STOM: variants seen among roughly 807,000 people sequenced by gnomAD.
STOM encodes the protein erythrocyte band 7 integral membrane protein.
A neutral mutation model predicts 30.6 loss-of-function variants in STOM; 25 were observed. The ratio of observed to expected loss-of-function variants is 0.82; its 90% CI spans 0.60 to 1.14. STOM has a LOEUF of 1.14. Among genes scored for constraint, STOM ranks in the 50% most tolerant of loss-of-function variants. The probability of loss-of-function intolerance (pLI) is 0.00; values close to 1 mark genes in which losing one functional copy is unlikely to be tolerated. For synonymous variants in STOM, 118 were observed against 130.8 expected, an observed-to-expected ratio of 0.90 and a Z score of 0.67; for missense variants, 292 against 365.2, an observed-to-expected ratio of 0.80 and a Z score of 1.63.
intron 3 of STOM, among the ~76,000 whole-genome samples, chr9:121,353,903 C>A (rs991570310): frequency 6.6e-6 from 1 of 152,182 alleles, no homozygotes; most frequent in Non-Finnish European, 1.5e-5. Context: ...ACTCAGCCTA[C>A]GACTAGTTCA....
At chr9:121,342,330 G>C (rs1336642191) in intron 6 of STOM, among the ~76,000 whole-genome samples, 1 of 150,242 alleles carries the variant, frequency 6.7e-6, no homozygotes, top group Non-Finnish European at 1.5e-5. Flanking sequence ...TGCCACTGCT[G>C]CACTCCAGCT....
At chr9:121,361,344 G>C (rs1176760750) in intron 1 of STOM, among the ~76,000 whole-genome samples, 3 of 150,070 alleles carry the variant, frequency 2.0e-5, no homozygotes, top group African/African-American at 7.4e-5. Flanking sequence ...TGGGGAAAGG[G>C]ACAAATAGTG....
chr9:121,349,120 C>T lies in STOM; in HGVS notation c.525G>A (p.Gln175=). The stretch of plus-strand genomic sequence containing the variant: ...GTAACAGCATTGACGTACTCCCCAC[C>T]TGCATGTTGTGTGCAATTTCTTCTC... ...SDREEIAHNM[Q]STLDDATDAW... is the part of the protein sequence containing the mutation. The change falls in exon 5 of 7, where the codon CAG becomes CAA. Residue 175 remains glutamine, a splice_region_variant and synonymous_variant. Coordinates refer to ENST00000286713, the MANE Select transcript of STOM (RefSeq NM_004099.6). 2 of 1,614,030 alleles carry T rather than the reference C, an allele frequency of 1.2e-6. No homozygotes were observed. Among genetic ancestry groups the T allele is most frequent in the Non-Finnish European group, 8.5e-7 (1 of 1,179,958 alleles).
Position 121,367,041 on chromosome 9 carries a change from C to T in STOM, c.61+3086G>A, listed in dbSNP as rs561562713. Among the ~76,000 whole-genome samples, 23 of 152,082 alleles carry T rather than the reference C, an allele frequency of 1.5e-4. No homozygotes were observed. The East Asian group carries it at 4.1e-3, about 27-fold the overall frequency. ...TGAGCTATGACTGCACCATTGCACT[C>T]CAGCCTGGGCAACAGAGCAAGACCC... On this transcript the variant is annotated intron_variant, in intron 1 of 6. Transcript: ENST00000286713.
At chr9:121,346,507 T>C (rs2064291256) in intron 6 of STOM, among the ~76,000 whole-genome samples, 1 of 152,220 alleles carries the variant, frequency 6.6e-6, no homozygotes, top group Non-Finnish European at 1.5e-5. Flanking sequence ...ACATTCTACG[T>C]AGTATATGTA....
At chr9:121,351,355 C>T (rs2064337766) in intron 4 of STOM, among the ~76,000 whole-genome samples, 1 of 152,256 alleles carries the variant, frequency 6.6e-6, no homozygotes, top group Admixed American at 6.5e-5. Context: ...TGATTCCTGG[C>T]ATCACTAACT....
chr9:121,370,097 C>A, intron 1 of STOM, 30 bp downstream of exon 1: 1 of 1,527,820 alleles, frequency 6.5e-7, no homozygotes, highest in Non-Finnish European at 8.8e-7. Context: ...GCTCGGTCCA[C>A]GGGGGAGGGT....
In STOM at chr9:121,349,117, C is replaced by T; in HGVS notation, c.525+3G>A. ...GGGGTAACAGCATTGACGTACTCCC[C>T]ACCTGCATGTTGTGTGCAATTTCTT... On this transcript the variant is annotated splice_donor_region_variant and intron_variant, in intron 5 of 6. Transcript: ENST00000286713. 1 of 1,613,932 alleles carries T rather than the reference C, an allele frequency of 6.2e-7. No homozygotes were observed. The highest frequency in any genetic ancestry group is 1.1e-5 in the South Asian group (1 of 91,054).
chr9:121,356,288 T>G, intron 1 of STOM, 132 bp from the exon 2 acceptor site: 1 of 669,818 alleles, frequency 1.5e-6, no homozygotes, highest in Non-Finnish European at 2.6e-6. Context: ...TTTCCCCATC[T>G]AATCCTCATA....
intron 1 of STOM, among the ~76,000 whole-genome samples, chr9:121,361,003 C>T (rs1308765660): frequency 1.3e-5 from 2 of 152,180 alleles, no homozygotes; most frequent in Non-Finnish European, 2.9e-5. Context: ...ACCTTCACCT[C>T]TCAAAATTCT....
intron 1 of STOM, among the ~76,000 whole-genome samples, chr9:121,361,623 C>T (rs2064453454): frequency 6.6e-6 from 1 of 152,162 alleles, no homozygotes; most frequent in South Asian, 2.1e-4. Context: ...CTCCTGACCT[C>T]GTGATCCTCC....
Position 121,339,447 on chromosome 9 carries a change from T to C in STOM, c.*1755A>G. ...GCACTGCTCCATACCTCTAATAAAC[T>C]CAGCTAGGAGCCAGGATACATGGTA... is the stretch of plus-strand genomic sequence containing the variant. On this transcript the variant is annotated 3_prime_UTR_variant, in exon 7 of 7. Coordinates refer to ENST00000286713, the MANE Select transcript of STOM (RefSeq NM_004099.6). 1 of 992,566 alleles carries C rather than the reference T, an allele frequency of 1.0e-6. No individual in the cohort carries two copies. 61.5% of individuals were successfully genotyped at this position (992,566 alleles called of 1,614,324 possible).
At chr9:121,342,335 C>A (rs2064253495) in intron 6 of STOM, among the ~76,000 whole-genome samples, 1 of 151,264 alleles carries the variant, frequency 6.6e-6, no homozygotes, top group South Asian at 2.1e-4. Context: ...CTGCTGCACT[C>A]CAGCTTGGCT....
chr9:121,365,871 G>T (rs758431419), intron 1 of STOM, among the ~76,000 whole-genome samples: 27 of 152,294 alleles, frequency 1.8e-4, no homozygotes, highest in Admixed American at 6.5e-4. Context: ...TTTAGAGGAA[G>T]AAACTTTTTA....
intron 1 of STOM, among the ~76,000 whole-genome samples, chr9:121,360,821 C>T (rs967638698): frequency 1.3e-5 from 2 of 152,020 alleles, no homozygotes; most frequent in Admixed American, 1.3e-4. Context: ...TTTTGAGAAC[C>T]CCAGATGTGT....
intron 1 of STOM, among the ~76,000 whole-genome samples, chr9:121,362,709 T>C (rs535666191): frequency 2.6e-5 from 4 of 152,346 alleles, no homozygotes; most frequent in Non-Finnish European, 5.9e-5. Flanking sequence ...GTATTTATAA[T>C]GTTTACAAAA....
At chr9:121,342,546 G>A (rs2064256183) in intron 6 of STOM, among the ~76,000 whole-genome samples, 1 of 152,058 alleles carries the variant, frequency 6.6e-6, no homozygotes, top group East Asian at 1.9e-4. Context: ...TCTGGCGGAA[G>A]TGAAGATGCA....
chr9:121,353,743 G>C (rs1210428840), intron 3 of STOM, among the ~76,000 whole-genome samples: 1 of 151,990 alleles, frequency 6.6e-6, no homozygotes, highest in African/African-American at 2.4e-5. Flanking sequence ...CACTCTTGCT[G>C]GACTGATCTA....
At chr9:121,355,521 G>T (rs2064380461) in intron 2 of STOM, among the ~76,000 whole-genome samples, 1 of 152,026 alleles carries the variant, frequency 6.6e-6, no homozygotes, top group East Asian at 1.9e-4. Flanking sequence ...TATCTTCTTA[G>T]AAATATGTAA....
Sources: gnomAD v4.1 joint callset for allele counts (sites outside exome capture counted in the v4.1 genomes callset) on GRCh38, gnomAD v4.1.1 for gene constraint, MANE v1.5 for transcripts, NCBI Gene and HGNC (gene_info 2026-07-23, HGNC 2026-07-21) for gene names.